The following SHC3 variants were observed in gnomAD, a reference collection of about 807,000 sequenced individuals.
SHC3 encodes the protein SHC-transforming protein 3.
Under a neutral mutation model 60.4 loss-of-function variants are expected in SHC3, and 15 were observed. That is an observed-to-expected ratio of 0.25 (90% confidence interval 0.17 to 0.38). The LOEUF (loss-of-function observed/expected upper bound fraction) is 0.38. Ranked by LOEUF, SHC3 falls within the 10% of genes least tolerant of loss-of-function variation. The pLI is 1.00. For missense variants in SHC3, 677 were observed against 786.1 expected, an observed-to-expected ratio of 0.86 and a Z score of 1.66; for synonymous variants, 294 against 325.9, an observed-to-expected ratio of 0.90 and a Z score of 1.05.
chr9:89,065,524 C>A lies in SHC3; in HGVS notation c.835+5G>T, dbSNP rs1246311486. ...AAGAGATTAAAGGGGTCAAGCACCG[C>A]TTACCTCTGCGATTAACAGGGTCCT... On this transcript the variant is annotated splice_donor_5th_base_variant and intron_variant, in intron 6 of 11. Transcript: ENST00000375835. The A allele has an allele frequency of 3.1e-6, 5 of 1,614,012 alleles. No homozygotes were observed. In the African/African-American group the frequency reaches 5.3e-5, roughly 17 times the overall value.
rs796298629 is a variant in SHC3 at position 89,011,249 on chromosome 9, C to T, written c.*2198G>A. 1.3e-5 allele frequency: 2 copies of T among 152,118 alleles called. No homozygotes were observed. The highest frequency in any genetic ancestry group is 4.8e-5 in the African/African-American group (2 of 41,408). The allele number at this position is 152,118 out of a possible 1,614,324, so 9.4% of individuals were successfully genotyped here. ...AAATATATATATTTTCTATCACCAT[C>T]GAACTAGACACTGACTTCACAGCAA... On this transcript the variant is annotated 3_prime_UTR_variant, in exon 12 of 12. Coordinates refer to ENST00000375835, the MANE Select transcript of SHC3 (RefSeq NM_016848.6).
intron 1 of SHC3, among the ~76,000 whole-genome samples, chr9:89,148,735 A>G: frequency 6.6e-6 from 1 of 152,364 alleles, no homozygotes; most frequent in African/African-American, 2.4e-5. Context: ...ACCATTCAAC[A>G]TTGATTAACT....
intron 2 of SHC3, among the ~76,000 whole-genome samples, chr9:89,082,273 C>A (rs932753621): frequency 6.6e-5 from 10 of 152,128 alleles, no homozygotes; most frequent in African/African-American, 2.4e-4. Flanking sequence ...CACACACCCG[C>A]TCCCTCCCAG....
chr9:89,131,541 A>G (rs1415938930), intron 1 of SHC3, among the ~76,000 whole-genome samples: 1 of 152,238 alleles, frequency 6.6e-6, no homozygotes, highest in Non-Finnish European at 1.5e-5. Context: ...CCAGCAGCAC[A>G]TCAAAAAGCT....
At chr9:89,117,080 CACTA>C (rs765881426) in intron 1 of SHC3, among the ~76,000 whole-genome samples, 1 of 152,284 alleles carries the variant, frequency 6.6e-6, no homozygotes, top group Non-Finnish European at 1.5e-5. Context: ...GGTTACCACC[CACTA>C]ACATATAGTC....
At chr9:89,166,282 G>A (rs1826788459) in intron 1 of SHC3, among the ~76,000 whole-genome samples, 1 of 152,224 alleles carries the variant, frequency 6.6e-6, no homozygotes, top group African/African-American at 2.4e-5. Flanking sequence ...CTCCCCAACT[G>A]GCACTGAAGG....
chr9:89,022,032 GCGA>G (rs1181804431), intron 11 of SHC3, among the ~76,000 whole-genome samples: 1 of 152,068 alleles, frequency 6.6e-6, no homozygotes, highest in African/African-American at 2.4e-5. Context: ...TTCCTTTGTA[GCGA>G]ACAAAGGCAC....
intron 11 of SHC3, among the ~76,000 whole-genome samples, chr9:89,018,155 G>A (rs1826128053): frequency 6.6e-6 from 1 of 152,098 alleles, no homozygotes; most frequent in African/African-American, 2.4e-5. Context: ...ATACCCAAAG[G>A]ATTTTAAATC....
chr9:89,137,460 C>T (rs1348950764), intron 1 of SHC3, among the ~76,000 whole-genome samples: 1 of 152,108 alleles, frequency 6.6e-6, no homozygotes, highest in Admixed American at 6.6e-5. Context: ...AATCCCAAAT[C>T]TTAAGAAATT....
chr9:89,073,424 C>G (rs923506371), intron 4 of SHC3, among the ~76,000 whole-genome samples: 2 of 152,130 alleles, frequency 1.3e-5, no homozygotes, highest in Non-Finnish European at 2.9e-5. Context: ...TAGAGGGGAG[C>G]GGCTGTTGTC....
chr9:89,157,976 T>C (rs1174560495), intron 1 of SHC3, among the ~76,000 whole-genome samples: 2 of 152,008 alleles, frequency 1.3e-5, no homozygotes, highest in Non-Finnish European at 2.9e-5. Context: ...TGTGCGTTCA[T>C]TGATTTTTTC....
At chr9:89,021,634 C>T (rs886300082) in intron 11 of SHC3, among the ~76,000 whole-genome samples, 1 of 152,218 alleles carries the variant, frequency 6.6e-6, no homozygotes, top group African/African-American at 2.4e-5. Flanking sequence ...GCTCACCTGC[C>T]TTGGGCCATC....
chr9:89,036,155 G>A (rs1303757777), intron 11 of SHC3, among the ~76,000 whole-genome samples: 3 of 152,022 alleles, frequency 2.0e-5, no homozygotes, highest in Non-Finnish European at 4.4e-5. Context: ...AAAAAAGCAA[G>A]AGAATACATG....
At chr9:89,171,748 T>A (rs1826872442) in intron 1 of SHC3, among the ~76,000 whole-genome samples, 1 of 152,228 alleles carries the variant, frequency 6.6e-6, no homozygotes, top group African/African-American at 2.4e-5. Flanking sequence ...AGCTGTCTCC[T>A]CGATTTCCCT....
intron 1 of SHC3, among the ~76,000 whole-genome samples, chr9:89,171,822 GCTAGAAA>G (rs1255437846): frequency 6.6e-6 from 1 of 152,178 alleles, no homozygotes; most frequent in Non-Finnish European, 1.5e-5. Flanking sequence ...TGGGCTCATG[GCTAGAAA>G]CCCAAATCTT....
At chr9:89,081,590 G>A (rs28522759) in intron 2 of SHC3, among the ~76,000 whole-genome samples, 10,067 of 151,760 alleles carry the variant, frequency 0.066, 461 homozygotes, top group Middle Eastern at 0.12. Context: ...GTGAATGTGT[G>A]CTGGTACAAT....
intron 11 of SHC3, among the ~76,000 whole-genome samples, chr9:89,016,600 G>A (rs1301219382): frequency 1.3e-5 from 2 of 152,088 alleles, no homozygotes; most frequent in Middle Eastern, 6.3e-3. Flanking sequence ...AGCATTTAAG[G>A]AATAATTTAT....
chr9:89,092,673 A>T (rs1245137964), intron 2 of SHC3, among the ~76,000 whole-genome samples: 1 of 151,728 alleles, frequency 6.6e-6, no homozygotes, highest in African/African-American at 2.4e-5. Context: ...TGATCCATTC[A>T]AGGAAAAAGT....
chr9:89,057,810 A>C (rs1824980525), intron 6 of SHC3, among the ~76,000 whole-genome samples: 1 of 152,178 alleles, frequency 6.6e-6, no homozygotes, highest in African/African-American at 2.4e-5. Context: ...CGCAAAAGTC[A>C]TGCCCCCTGA....
Sources: gnomAD v4.1 joint callset for allele counts (sites outside exome capture counted in the v4.1 genomes callset) on GRCh38, gnomAD v4.1.1 for gene constraint, MANE v1.5 for transcripts, NCBI Gene and HGNC (gene_info 2026-07-23, HGNC 2026-07-21) for gene names.